Variants in NRG2 observed in about 807,000 individuals in gnomAD.
NRG2 encodes the protein neuregulin 2, also known as pro-neuregulin-2, membrane-bound isoform.
Under a neutral mutation model 73.9 loss-of-function variants are expected in NRG2, and 27 were observed. The observed-to-expected ratio is 0.37, with a 90% CI of 0.27 to 0.50. NRG2 has a LOEUF of 0.50. NRG2 is among the 20% of genes least tolerant of loss of function. The pLI, the probability that NRG2 is intolerant of heterozygous loss-of-function variation, is 0.96. For missense variants in NRG2, 1,126 were observed against 1,210.1 expected (o/e 0.93, Z 1.03); for synonymous variants, 532 against 541.0 (o/e 0.98, Z 0.23).
At chr5:139,957,917 C>T (rs969226911) in intron 1 of NRG2, among the ~76,000 whole-genome samples, 1 of 152,082 alleles carries the variant, frequency 6.6e-6, no homozygotes, top group Non-Finnish European at 1.5e-5. Flanking sequence ...AGCCTTTCCA[C>T]TTCCTATGGG....
chr5:139,980,713 T>G (rs1756731638), intron 1 of NRG2, among the ~76,000 whole-genome samples: 1 of 152,230 alleles, frequency 6.6e-6, no homozygotes. Context: ...ACACCAGCAC[T>G]AATCTCTACA....
At position 139,853,310 on chromosome 5, in the gene NRG2, C is replaced by T. The variant is rs1409324309; in HGVS notation, c.1293-283G>A. ...ACTTAAGCTCTTCACGTTTCACTTT[C>T]CTCATCTATAAGACAGGGTGATCAT... On this transcript the variant is annotated intron_variant, in intron 6 of 9. Coordinates refer to ENST00000361474, the MANE Select transcript of NRG2 (RefSeq NM_004883.3). The surrounding 1 kb of genome is among the most constrained non-coding windows in gnomAD (Gnocchi z 4.1). Among the ~76,000 whole-genome samples, 2 of 152,198 alleles carry T rather than the reference C, an allele frequency of 1.3e-5. No individual in the cohort carries two copies. Among genetic ancestry groups the T allele is most frequent in the African/African-American group, 4.8e-5 (2 of 41,436 alleles).
chr5:140,006,610 A>G (rs1264741223), intron 1 of NRG2, among the ~76,000 whole-genome samples: 2 of 152,256 alleles, frequency 1.3e-5, no homozygotes, highest in African/African-American at 2.4e-5. Flanking sequence ...TGCATCCATT[A>G]AAAATCATAT....
chr5:139,896,672 G>C (rs899685299), intron 1 of NRG2, among the ~76,000 whole-genome samples: 4 of 152,098 alleles, frequency 2.6e-5, no homozygotes, highest in African/African-American at 7.2e-5. Flanking sequence ...CACTTTATCT[G>C]TGACAACCCT....
chr5:140,002,379 A>G (rs76186064), intron 1 of NRG2, among the ~76,000 whole-genome samples: 2,473 of 152,224 alleles, frequency 0.016, 58 homozygotes, highest in African/African-American at 0.056. Flanking sequence ...TGGGAGGGTT[A>G]TGGGGTTGCA....
intron 1 of NRG2, among the ~76,000 whole-genome samples, chr5:139,944,631 T>A (rs969232149): frequency 6.6e-6 from 1 of 152,218 alleles, no homozygotes; most frequent in Non-Finnish European, 1.5e-5. Flanking sequence ...TGTGTGTATG[T>A]ACCCCATTTT....
At chr5:139,999,714 T>C (rs1258722517) in intron 1 of NRG2, among the ~76,000 whole-genome samples, 1 of 152,192 alleles carries the variant, frequency 6.6e-6, no homozygotes, top group Non-Finnish European at 1.5e-5. Context: ...AGGAGCATCC[T>C]TTCACTTTTG....
intron 1 of NRG2, among the ~76,000 whole-genome samples, chr5:139,923,161 G>A (rs751396485): frequency 1.8e-4 from 28 of 152,112 alleles, no homozygotes; most frequent in Admixed American, 7.2e-4. Context: ...CCACCATGGC[G>A]GGGAATGTCG....
chr5:139,903,811 G>A (rs1765037277), intron 1 of NRG2, among the ~76,000 whole-genome samples: 1 of 152,264 alleles, frequency 6.6e-6, no homozygotes, highest in African/African-American at 2.4e-5. Flanking sequence ...GAGTTGGCGG[G>A]CGCTGTTGCC....
chr5:139,927,495 A>T (rs1233967436), intron 1 of NRG2, among the ~76,000 whole-genome samples: 1 of 152,114 alleles, frequency 6.6e-6, no homozygotes, highest in African/African-American at 2.4e-5. Flanking sequence ...AATGAATCAG[A>T]CCAGAGAAAT....
At chr5:139,885,979 G>C (rs1320828656) in intron 2 of NRG2, among the ~76,000 whole-genome samples, 1 of 152,124 alleles carries the variant, frequency 6.6e-6, no homozygotes, top group Non-Finnish European at 1.5e-5. Flanking sequence ...TGGTAGGGCA[G>C]TGAGAAGGGG....
rs6864507 is a variant in NRG2, at chr5:139,857,794, T to A, written c.1190-2016A>T. On this transcript the variant is annotated intron_variant, in intron 5 of 9. Transcript: ENST00000361474. ...TTTCCTGTTGCTCAGGCCCCATACC[T>A]TGGGCTCATTCTTGATTACTCCCTT... is the stretch of plus-strand genomic sequence containing the variant. 2.0e-5 allele frequency among the ~76,000 whole-genome samples: 3 copies of A among 152,182 alleles called. No individual in the cohort carries two copies. In the South Asian group the frequency reaches 6.2e-4, roughly 32 times the overall value.
chr5:139,869,193 G>A lies in NRG2; in HGVS notation c.1112+2528C>T, dbSNP rs1189505925. ...TGAATTCCAGAAAAACAGGAGGGAC[G>A]GAGTGTGCCTGCTTTCCAACACTCC... is the stretch of plus-strand genomic sequence containing the variant. On this transcript the variant is annotated intron_variant, in intron 4 of 9. Coordinates refer to ENST00000361474, the MANE Select transcript of NRG2 (RefSeq NM_004883.3). This position sits in a 1 kb window ranked among gnomAD's most constrained non-coding sequence, Gnocchi z 4.5. Among the ~76,000 whole-genome samples, 3 of 152,022 alleles carry A rather than the reference G, an allele frequency of 2.0e-5. No homozygotes were observed. Among genetic ancestry groups the A allele is most frequent in the East Asian group, 1.9e-4 (1 of 5,174 alleles).
intron 1 of NRG2, among the ~76,000 whole-genome samples, chr5:139,912,482 T>C (rs951931504): frequency 6.6e-6 from 1 of 152,072 alleles, no homozygotes; most frequent in African/African-American, 2.4e-5. Context: ...ATGGACGATG[T>C]CACAGACACT....
rs767295302 is a variant in NRG2 at position 139,904,341 on chromosome 5, C to G, written c.701-16830G>C. On this transcript the variant is annotated intron_variant, in intron 1 of 9. Coordinates refer to ENST00000361474, the MANE Select transcript of NRG2 (RefSeq NM_004883.3). The surrounding 1 kb of genome is among the most constrained non-coding windows in gnomAD (Gnocchi z 6.0). ...CGGGATCGGGCTCCCTCTCCCGCTT[C>G]CTCCCCTCTGGGTGCTTCTTGCCGC... 4 of 1,592,870 alleles carry G rather than the reference C, an allele frequency of 2.5e-6. No homozygotes were observed. The highest frequency in any genetic ancestry group is 3.4e-6 in the Non-Finnish European group (4 of 1,177,738).
chr5:139,915,130 T>A lies in NRG2; in HGVS notation c.701-27619A>T, dbSNP rs955198541. On this transcript the variant is annotated intron_variant, in intron 1 of 9. Transcript: ENST00000361474. The surrounding 1 kb of genome is among the most constrained non-coding windows in gnomAD (Gnocchi z 4.0). ...ATTATAATTAATGGTTTGTTTCCCA[T>A]TAAGCTTCTTTCAGACAAACCGGCT... Among the ~76,000 whole-genome samples, 3 of 152,264 alleles carry A rather than the reference T, an allele frequency of 2.0e-5. No individual in the cohort carries two copies. Among genetic ancestry groups the A allele is most frequent in the African/African-American group, 7.2e-5 (3 of 41,462 alleles).
chr5:140,020,065 C>G (rs369602249), intron 1 of NRG2, among the ~76,000 whole-genome samples: 1 of 152,226 alleles, frequency 6.6e-6, no homozygotes, highest in African/African-American at 2.4e-5. Context: ...GATTTATATT[C>G]TTAATTTTAA....
chr5:140,011,014 C>T (rs1759320625), intron 1 of NRG2, among the ~76,000 whole-genome samples: 1 of 152,236 alleles, frequency 6.6e-6, no homozygotes, highest in African/African-American at 2.4e-5. Context: ...CTCCCTCCCA[C>T]TACTGTTTGT....
At chr5:139,876,925 CTGTGTGTGTGTGTGTG>C (rs3082489) in intron 3 of NRG2, among the ~76,000 whole-genome samples, 62 of 141,900 alleles carry the variant, frequency 4.4e-4, no homozygotes, top group Non-Finnish European at 5.5e-4. Context: ...GAATGTGCAT[CTGTGTGTGTGTGTGTG>C]TGTGTGTGTG....
Sources: gnomAD v4.1 joint callset for allele counts (sites outside exome capture counted in the v4.1 genomes callset) on GRCh38, gnomAD v4.1.1 for gene constraint, Gnocchi (gnomAD v3.1) non-coding constraint, MANE v1.5 for transcripts, NCBI Gene and HGNC (gene_info 2026-07-23, HGNC 2026-07-21) for gene names.